The following PTCD1 variants were observed in gnomAD, a reference collection of about 807,000 sequenced individuals.
PTCD1 encodes the protein pentatricopeptide repeat domain 1.
In PTCD1, 50 loss-of-function variants were observed where a neutral mutation model predicts 53.4. The observed-to-expected ratio is 0.94, with a 90% CI of 0.75 to 1.19. The LOEUF is 1.19. Among genes scored for constraint, PTCD1 ranks in the 50% most tolerant of loss-of-function variants. The pLI, the probability that PTCD1 is intolerant of heterozygous loss-of-function variation, is 0.00. For missense variants in PTCD1, 918 were observed against 904.8 expected, an observed-to-expected ratio of 1.01 and a Z score of -0.19; for synonymous variants, 413 against 394.8, an observed-to-expected ratio of 1.05 and a Z score of -0.55.
chr7:99,425,446 C>G lies in PTCD1; in HGVS notation c.1086G>C (p.Arg362=), dbSNP rs778793577. ...CCTTGGCCTGGGCTGTCCTCCTTGG[C>G]CGCTGCCTGCTCACTGGGGGCTGAA... ...TVLQPPVSRQ[R]PRRTAQAKAG... is the part of the protein sequence containing the mutation. Residue 362 remains arginine, a synonymous_variant, in exon 6 of 8, where the codon CGG becomes CGC. Transcript: ENST00000292478. The G allele has an allele frequency of 6.8e-6, 11 of 1,613,792 alleles. No individual in the cohort carries two copies. Among genetic ancestry groups the G allele is most frequent in the Non-Finnish European group, 9.3e-6 (11 of 1,180,016 alleles).
At chr7:99,438,428 G>T in intron 1 of PTCD1, 1 of 814,480 alleles carries the variant, frequency 1.2e-6, no homozygotes, top group Non-Finnish European at 1.5e-6. Flanking sequence ...TCGTACCCCT[G>T]TACTCCAGCC....
intron 1 of PTCD1, among the ~76,000 whole-genome samples, chr7:99,437,682 G>GT (rs1262035273): frequency 2.0e-5 from 3 of 151,780 alleles, no homozygotes; most frequent in Non-Finnish European, 4.4e-5. Context: ...CACAAACTGG[G>GT]TTTTTTTGCG....
At chr7:99,437,568 G>T (rs983798207) in intron 1 of PTCD1, among the ~76,000 whole-genome samples, 1 of 152,196 alleles carries the variant, frequency 6.6e-6, no homozygotes, top group Non-Finnish European at 1.5e-5. Flanking sequence ...CTCCCGAAGT[G>T]CTGGGATTAC....
chr7:99,420,024 C>T lies in PTCD1; in HGVS notation c.2046G>A (p.Gln682=). 1 of 1,614,206 alleles carries T rather than the reference C, an allele frequency of 6.2e-7. No homozygotes were observed. Among genetic ancestry groups the T allele is most frequent in the Non-Finnish European group, 8.5e-7 (1 of 1,180,014 alleles). ...CCTCCTTGCCGGTGTCCTGGTCCCC[C>T]TGGGGCTTGGTCCGGAACTTCTGCC... ...HPWQKFRTKP[Q]GDQDTGKEAD... Residue 682 remains glutamine, a synonymous_variant, in exon 8 of 8, where the codon CAG becomes CAA. Transcript: ENST00000292478.
intron 7 of PTCD1, among the ~76,000 whole-genome samples, chr7:99,421,104 C>A: frequency 6.6e-6 from 1 of 152,132 alleles, no homozygotes; most frequent in East Asian, 1.9e-4. Flanking sequence ...TACAGATGCT[C>A]CTGACAGCAG....
At chr7:99,434,018 C>G (rs1796357401) in intron 2 of PTCD1, among the ~76,000 whole-genome samples, 1 of 139,918 alleles carries the variant, frequency 7.1e-6, no homozygotes, top group Non-Finnish European at 1.5e-5. Context: ...CACCACTGCA[C>G]TCCAGCCTGG....
In PTCD1 at chr7:99,438,705, C is replaced by A. The variant is rs1273433968; in HGVS notation, c.-40G>T. 7.8e-6 allele frequency: 10 copies of A among 1,289,612 alleles called. No homozygotes were observed. The highest frequency in any genetic ancestry group is 9.1e-6 in the Non-Finnish European group (9 of 992,642). 79.9% of individuals were successfully genotyped at this position (1,289,612 alleles called of 1,614,324 possible). On this transcript the variant is annotated 5_prime_UTR_variant, in exon 1 of 8. Coordinates refer to ENST00000292478, the MANE Select transcript of PTCD1 (RefSeq NM_015545.4). ...ACAGGAACTCACTTGAAGTGTCCGG[C>A]GCAGTGCACTCCGACGGGGAGCCCT...
chr7:99,433,976 C>T (rs141718979), intron 2 of PTCD1, among the ~76,000 whole-genome samples: 39 of 145,820 alleles, frequency 2.7e-4, no homozygotes, highest in Admixed American at 2.5e-3. Context: ...TGCTTGAACC[C>T]GGGAGGCAGA....
rs1013770408 is a variant in PTCD1, at chr7:99,417,457, C to G, written c.*2510G>C. 1.2e-6 allele frequency: 2 copies of G among 1,613,334 alleles called. No individual in the cohort carries two copies. Among genetic ancestry groups the G allele is most frequent in the African/African-American group, 2.7e-5 (2 of 74,870 alleles). On this transcript the variant is annotated 3_prime_UTR_variant, in exon 8 of 8. Transcript: ENST00000292478. ...TCTATGAATATTGTATTAAAGAAGG[C>G]TATGCAGACAAAAACCTGATTGCAA...
At chr7:99,432,921 C>A (rs1796318241) in intron 3 of PTCD1, 2 of 389,870 alleles carry the variant, frequency 5.1e-6, no homozygotes, top group Admixed American at 7.3e-5. Context: ...TGGTGCTACA[C>A]ACCTGTGCTC....
At chr7:99,430,489 A>G (rs764181728) in intron 3 of PTCD1, among the ~76,000 whole-genome samples, 1 of 152,248 alleles carries the variant, frequency 6.6e-6, no homozygotes, top group African/African-American at 2.4e-5. Context: ...GAACCCTGCT[A>G]GAGTCAGGCC....
rs1485587367 is a variant in PTCD1, at chr7:99,435,189, C to G, written c.54G>C (p.Leu18=). ...AGGGGTCCAGGTGTTGCAGGATGAA[C>G]AGTCCCATGGGGCGGGCCCTGGCGA... ...RLFARARPMG[L]FILQHLDPCR... is the part of the protein sequence containing the mutation. Residue 18 remains leucine, a synonymous_variant, in exon 2 of 8, where the codon CTG becomes CTC. Coordinates refer to ENST00000292478, the MANE Select transcript of PTCD1 (RefSeq NM_015545.4). The G allele has an allele frequency of 1.9e-6, 3 of 1,604,968 alleles. No individual in the cohort carries two copies. The highest frequency in any genetic ancestry group is 2.7e-5 in the African/African-American group (2 of 74,928).
chr7:99,425,945 A>G (rs1795996987), intron 5 of PTCD1, among the ~76,000 whole-genome samples: 1 of 152,204 alleles, frequency 6.6e-6, no homozygotes, highest in South Asian at 2.1e-4. Flanking sequence ...GCATGCCCAC[A>G]GTCCCAGCTA....
At chr7:99,426,325 G>A (rs1241462865) in intron 5 of PTCD1, among the ~76,000 whole-genome samples, 3 of 152,304 alleles carry the variant, frequency 2.0e-5, no homozygotes, top group Middle Eastern at 3.4e-3. Flanking sequence ...GAGTACCTGC[G>A]ATTGCAGGCG....
Position 99,419,486 on chromosome 7 carries a change from C to T in PTCD1, c.*481G>A. The T allele has an allele frequency of 6.2e-7, 1 of 1,602,826 alleles. No homozygotes were observed. The highest frequency in any genetic ancestry group is 1.1e-5 in the South Asian group (1 of 90,992). On this transcript the variant is annotated 3_prime_UTR_variant, in exon 8 of 8. Coordinates refer to ENST00000292478, the MANE Select transcript of PTCD1 (RefSeq NM_015545.4). The stretch of plus-strand genomic sequence containing the variant: ...GGACTCTGGACTTCGCAGGTTCCTG[C>T]CTGTCACGCCACCCCCTTCCTGGGA...
rs1795682568 is a variant in PTCD1, at chr7:99,419,219, C to T, written c.*748G>A. On this transcript the variant is annotated 3_prime_UTR_variant, in exon 8 of 8. Transcript: ENST00000292478. ...TCGGTGTCAACAGCAGCTGGTTCTACCTTCATGAGGGAGCCAAATTTTCCC... is the reference window on the plus strand; with the variant it reads ...TCGGTGTCAACAGCAGCTGGTTCTATCTTCATGAGGGAGCCAAATTTTCCC... 2 of 658,270 alleles carry T rather than the reference C, an allele frequency of 3.0e-6. No individual in the cohort carries two copies. The highest frequency in any genetic ancestry group is 1.8e-5 in the African/African-American group (1 of 55,916). 40.8% of individuals were successfully genotyped at this position (658,270 alleles called of 1,614,324 possible).
Position 99,425,129 on chromosome 7 carries a change from A to G in PTCD1, c.1403T>C (p.Ile468Thr), listed in dbSNP as rs148440637. ...VTTPADRLAL[I>T]GGLEGFLSKM... Reference sequence around the variant, plus strand: ...GCTCAGGAAGCCCTCCAGGCCCCCTATCAAGGCCAGCCGGTCAGCTGGGGT... The same window carrying G: ...GCTCAGGAAGCCCTCCAGGCCCCCTGTCAAGGCCAGCCGGTCAGCTGGGGT... Residue 468 changes from isoleucine (I) to threonine (T), a missense_variant, in exon 6 of 8, where the codon ATA (isoleucine) becomes ACA (threonine). Ile to Thr is a moderately conservative substitution (Grantham distance 89). Transcript: ENST00000292478. 6.5e-4 allele frequency: 1,044 copies of G among 1,613,986 alleles called. 3 individuals carry two copies. The highest frequency in any genetic ancestry group is 8.1e-4 in the Non-Finnish European group (950 of 1,179,944).
At chr7:99,432,333 C>A (rs1039682434) in intron 3 of PTCD1, among the ~76,000 whole-genome samples, 1 of 152,150 alleles carries the variant, frequency 6.6e-6, no homozygotes, top group Non-Finnish European at 1.5e-5. Flanking sequence ...CTGAGATAGG[C>A]GAAAACCGCC....
At chr7:99,423,715 T>TG in intron 7 of PTCD1, 60 bp downstream of exon 7, 2 of 1,600,008 alleles carry the variant, frequency 1.2e-6, no homozygotes, top group Non-Finnish European at 1.7e-6. Flanking sequence ...GGTTGGGTGG[T>TG]GGGGGGAGGG....
Sources: allele counts gnomAD v4.1 joint callset (sites outside exome capture counted in the v4.1 genomes callset), GRCh38; gene constraint gnomAD v4.1.1; transcripts MANE v1.5; gene names NCBI Gene and HGNC (gene_info 2026-07-23, HGNC 2026-07-21).